The following PRKN variants were observed in gnomAD, a reference collection of about 807,000 sequenced individuals.
PRKN encodes the protein E3 ubiquitin-protein ligase parkin.
A neutral mutation model predicts 59.5 loss-of-function variants in PRKN; 56 were observed. The ratio of observed to expected loss-of-function variants is 0.94; its 90% confidence interval spans 0.76 to 1.18. The LOEUF (loss-of-function observed/expected upper bound fraction) is 1.18, where lower values mean the gene tolerates loss of function less well. Ranked by LOEUF, PRKN falls within the 50% of genes most tolerant of loss-of-function variation. PRKN has a pLI of 0.00. For missense variants in PRKN, 657 were observed against 596.4 expected (o/e 1.10, Z -1.06); for synonymous variants, 250 against 222.1 (o/e 1.13, Z -1.12).
intron 1 of PRKN, among the ~76,000 whole-genome samples, chr6:162,643,559 C>T (rs1311724103): frequency 6.6e-6 from 1 of 152,044 alleles, no homozygotes; most frequent in Non-Finnish European, 1.5e-5. Flanking sequence ...ACACATTTTC[C>T]ATTAATGGAC....
At chr6:162,526,284 A>C (rs1480065538) in intron 1 of PRKN, among the ~76,000 whole-genome samples, 2 of 149,904 alleles carry the variant, frequency 1.3e-5, no homozygotes, top group African/African-American at 4.9e-5. Context: ...AAAAAAAAAC[A>C]ACTACTACAA....
intron 1 of PRKN, among the ~76,000 whole-genome samples, chr6:162,705,727 AG>A (rs1423098495): frequency 3.9e-5 from 6 of 152,206 alleles, no homozygotes; most frequent in Non-Finnish European, 7.4e-5. Flanking sequence ...GGGAGAATTC[AG>A]GTTCAATTTT....
intron 9 of PRKN, among the ~76,000 whole-genome samples, chr6:161,521,519 C>T (rs1778825409): frequency 6.6e-6 from 1 of 152,122 alleles, no homozygotes; most frequent in Non-Finnish European, 1.5e-5. Flanking sequence ...CATATTTGAG[C>T]AAAAACCTGA....
rs922436925 is a variant in PRKN, at chr6:161,588,320, T to C, written c.872-18904A>G. 2.0e-5 allele frequency among the ~76,000 whole-genome samples: 3 copies of C among 151,592 alleles called. No individual in the cohort carries two copies. The highest frequency in any genetic ancestry group is 2.0e-4 in the Admixed American group (3 of 15,224). ...AATTGCCTCAGGAGGAGGCAGGTTG[T>C]GGTGAGCCGAAGAGGCGCCACTGCA... is the stretch of plus-strand genomic sequence containing the variant. On this transcript the variant is annotated intron_variant, in intron 7 of 11. Transcript: ENST00000366898. This position sits in a 1 kb window ranked among gnomAD's most constrained non-coding sequence, Gnocchi z 5.0.
rs138165443 is a variant in PRKN, at chr6:161,999,618, G to A, written c.619-26201C>T. The stretch of plus-strand genomic sequence containing the variant: ...AGCACAATGCCCGAGCCAAGAAGGT[G>A]GCAAGAGGTGAGGAGTGATTGCACT... On this transcript the variant is annotated intron_variant, in intron 5 of 11. Transcript: ENST00000366898. Among the ~76,000 whole-genome samples the A allele has an allele frequency of 1.4e-3, 209 of 152,196 alleles. 1 individual carries two copies. Among genetic ancestry groups the A allele is most frequent in the African/African-American group, 4.8e-3 (199 of 41,548 alleles).
intron 2 of PRKN, among the ~76,000 whole-genome samples, chr6:162,355,619 G>A (rs1311569245): frequency 3.3e-5 from 5 of 151,718 alleles, no homozygotes; most frequent in Non-Finnish European, 7.4e-5. Context: ...CATTTCTTCA[G>A]CATGAATAAA....
intron 1 of PRKN, among the ~76,000 whole-genome samples, chr6:162,503,143 T>C (rs975932973): frequency 1.4e-4 from 20 of 146,862 alleles, no homozygotes; most frequent in African/African-American, 4.0e-4. Flanking sequence ...TTTCTTTTTT[T>C]TTTTTTTTTT....
intron 1 of PRKN, among the ~76,000 whole-genome samples, chr6:162,527,328 A>G (rs1352531487): frequency 6.6e-6 from 1 of 152,242 alleles, no homozygotes; most frequent in Non-Finnish European, 1.5e-5. Context: ...AAATTCGCAC[A>G]TAACAGTCTT....
In PRKN at chr6:161,661,246, A is replaced by T. The variant is rs369913672; in HGVS notation, c.872-91830T>A. On this transcript the variant is annotated intron_variant, in intron 7 of 11. Transcript: ENST00000366898. The stretch of plus-strand genomic sequence containing the variant: ...AGTGGAGACCCTCACGGAGTCTGAC[A>T]GGGCCCTCTGAACACAGGGCCCTGC... Among the ~76,000 whole-genome samples the T allele has an allele frequency of 1.1e-3, 166 of 152,286 alleles. 1 individual carries two copies. Among genetic ancestry groups the T allele is most frequent in the Middle Eastern group, 3.4e-3 (1 of 294 alleles).
At chr6:161,374,282 G>A (rs1010523020) in intron 10 of PRKN, among the ~76,000 whole-genome samples, 48 of 151,462 alleles carry the variant, frequency 3.2e-4, no homozygotes, top group African/African-American at 1.1e-3. Flanking sequence ...TGGTGTGTAT[G>A]TATGTGTGTG....
intron 1 of PRKN, chr6:162,727,328 C>CGGCGGGGCGAAGGTGAGGGGCGGA (rs1562531536): frequency 2.6e-6 from 1 of 387,718 alleles, no homozygotes; most frequent in Admixed American, 4.8e-5. Flanking sequence ...TGAGGGGCGG[C>CGGCGGGGCGAAGGTGAGGGGCGGA]GGCGGGGAGA....
At chr6:161,664,152 C>T (rs1784645290) in intron 7 of PRKN, among the ~76,000 whole-genome samples, 1 of 152,202 alleles carries the variant, frequency 6.6e-6, no homozygotes, top group African/African-American at 2.4e-5. Context: ...GGGTCCCTTA[C>T]ATGCCAGGTT....
At chr6:161,866,587 A>G (rs1163442372) in intron 6 of PRKN, among the ~76,000 whole-genome samples, 2 of 152,154 alleles carry the variant, frequency 1.3e-5, no homozygotes, top group African/African-American at 4.8e-5. Context: ...AAAAGAAAAG[A>G]AAAGAAAAGA....
intron 4 of PRKN, among the ~76,000 whole-genome samples, chr6:162,107,508 T>C (rs1307346652): frequency 6.6e-6 from 1 of 152,184 alleles, no homozygotes; most frequent in Admixed American, 6.5e-5. Context: ...TAGTGGCTAA[T>C]TTATAAAGCA....
chr6:161,490,320 GCTTGC>G (rs1777502156), intron 9 of PRKN, among the ~76,000 whole-genome samples: 1 of 53,000 alleles, frequency 1.9e-5, no homozygotes, highest in Non-Finnish European at 7.2e-5. Flanking sequence ...TTGCTTGCTT[GCTTGC>G]TTGCTTGCTT....
At position 161,527,950 on chromosome 6, in the gene PRKN, C is replaced by A. The variant is rs1779071928; in HGVS notation, c.1083+20904G>T. On this transcript the variant is annotated intron_variant, in intron 9 of 11. Transcript: ENST00000366898. This position sits in a 1 kb window ranked among gnomAD's most constrained non-coding sequence, Gnocchi z 4.6. ...AACACAGCACTGCTTTTAAACATTT[C>A]TTTCCCCCCACTTAGTCCCCAGAGA... Among the ~76,000 whole-genome samples the A allele has an allele frequency of 1.3e-5, 2 of 152,214 alleles. No homozygotes were observed. The highest frequency in any genetic ancestry group is 2.1e-4 in the South Asian group (1 of 4,830).
At chr6:161,613,279 A>G (rs1782555066) in intron 7 of PRKN, among the ~76,000 whole-genome samples, 1 of 152,212 alleles carries the variant, frequency 6.6e-6, no homozygotes, top group South Asian at 2.1e-4. Context: ...CTGGAAATAC[A>G]AGTGGAGCCT....
chr6:161,888,056 T>C (rs930940758), intron 6 of PRKN, among the ~76,000 whole-genome samples: 1 of 152,198 alleles, frequency 6.6e-6, no homozygotes, highest in Non-Finnish European at 1.5e-5. Flanking sequence ...TTTGAACATA[T>C]GGTTTAAAAA....
chr6:161,521,917 T>C (rs1778840509), intron 9 of PRKN, among the ~76,000 whole-genome samples: 1 of 152,180 alleles, frequency 6.6e-6, no homozygotes, highest in Non-Finnish European at 1.5e-5. Context: ...GTTCTTGACT[T>C]GACATTCTGG....
Sources: gnomAD v4.1 joint callset for allele counts (sites outside exome capture counted in the v4.1 genomes callset) on GRCh38, gnomAD v4.1.1 for gene constraint, Gnocchi (gnomAD v3.1) non-coding constraint, MANE v1.5 for transcripts, NCBI Gene and HGNC (gene_info 2026-07-23, HGNC 2026-07-21) for gene names.